ERC1: variants seen among roughly 807,000 people sequenced by gnomAD.
ERC1 encodes the protein ELKS/RAB6-interacting/CAST family member 1.
In ERC1, 56 loss-of-function variants were observed where a neutral mutation model predicts 132.0. The ratio of observed to expected loss-of-function variants is 0.42; its 90% CI spans 0.34 to 0.53. The LOEUF (loss-of-function observed/expected upper bound fraction) is 0.53, where lower values mean the gene tolerates loss of function less well. Ranked by LOEUF, ERC1 falls within the 20% of genes least tolerant of loss-of-function variation. The pLI, the probability that ERC1 is intolerant of heterozygous loss-of-function variation, is 0.03. For synonymous variants in ERC1, 478 were observed against 476.1 expected, an observed-to-expected ratio of 1.00 and a Z score of -0.05; for missense variants, 1,202 against 1,349.9, an observed-to-expected ratio of 0.89 and a Z score of 1.72.
At chr12:1,029,114 G>A (rs1435301738) in intron 2 of ERC1, among the ~76,000 whole-genome samples, 1 of 152,242 alleles carries the variant, frequency 6.6e-6, no homozygotes, top group East Asian at 1.9e-4. Context: ...CAGCACTTGG[G>A]AGGCCGAGGT....
intron 16 of ERC1, among the ~76,000 whole-genome samples, chr12:1,405,523 G>A (rs2091422523): frequency 1.3e-5 from 2 of 152,014 alleles, no homozygotes; most frequent in Non-Finnish European, 2.9e-5. Context: ...GGCCAACATA[G>A]TGAAACCCAT....
intron 14 of ERC1, among the ~76,000 whole-genome samples, chr12:1,289,089 AC>A: frequency 1.5e-5 from 1 of 66,734 alleles, no homozygotes; most frequent in African/African-American, 7.8e-5. Context: ...GTATGTACAC[AC>A]ACACACACAC....
intron 16 of ERC1, among the ~76,000 whole-genome samples, chr12:1,375,878 G>A (rs2087846767): frequency 1.3e-5 from 2 of 151,450 alleles, no homozygotes; most frequent in South Asian, 2.1e-4. Flanking sequence ...CTGGGATTAT[G>A]GGTGCCCGCC....
At chr12:1,100,913 G>C (rs1169918986) in intron 3 of ERC1, among the ~76,000 whole-genome samples, 3 of 152,102 alleles carry the variant, frequency 2.0e-5, no homozygotes, top group Admixed American at 6.5e-5. Flanking sequence ...CTGATGCTTG[G>C]GACACTCCTG....
chr12:1,176,109 T>C (rs904414548), intron 8 of ERC1, among the ~76,000 whole-genome samples: 36 of 152,200 alleles, frequency 2.4e-4, no homozygotes, highest in African/African-American at 8.4e-4. Flanking sequence ...TTTGCCCAGA[T>C]CCATCAGAGG....
At chr12:1,015,905 C>T (rs889374189) in intron 1 of ERC1, among the ~76,000 whole-genome samples, 1 of 151,874 alleles carries the variant, frequency 6.6e-6, no homozygotes, top group Non-Finnish European at 1.5e-5. Context: ...TGGTATATTA[C>T]ATCAGGTTAC....
At chr12:1,479,182 T>C (rs2094036005) in intron 18 of ERC1, among the ~76,000 whole-genome samples, 1 of 152,214 alleles carries the variant, frequency 6.6e-6, no homozygotes, top group African/African-American at 2.4e-5. Context: ...TGTGCATTGC[T>C]GCCGCCTTGC....
chr12:1,066,227 A>G (rs1014677131), intron 2 of ERC1, among the ~76,000 whole-genome samples: 2 of 152,276 alleles, frequency 1.3e-5, no homozygotes, highest in African/African-American at 4.8e-5. Flanking sequence ...AAATTAAAAC[A>G]AATATTCGCT....
chr12:1,467,126 G>A (rs530200908), intron 18 of ERC1, among the ~76,000 whole-genome samples: 1 of 152,298 alleles, frequency 6.6e-6, no homozygotes, highest in Admixed American at 6.5e-5. Flanking sequence ...TTATCAGACT[G>A]GAAACATCTT....
At chr12:1,453,713 A>C (rs889918437) in intron 18 of ERC1, among the ~76,000 whole-genome samples, 4 of 152,166 alleles carry the variant, frequency 2.6e-5, no homozygotes, top group African/African-American at 7.2e-5. Context: ...GATTGTATCA[A>C]ATTAATTTTA....
intron 12 of ERC1, among the ~76,000 whole-genome samples, chr12:1,216,615 T>TGGGGGGCGGGGGGGGAGGGAG (rs1265115026): frequency 2.0e-4 from 1 of 5,094 alleles, no homozygotes; most frequent in African/African-American, 6.9e-4. Context: ...GGAGGAGGGA[T>TGGGGGGCGGGGGGGGAGGGAG]GGGGGGTGGG....
At chr12:1,108,364 G>A (rs1277242474) in intron 4 of ERC1, among the ~76,000 whole-genome samples, 2 of 152,190 alleles carry the variant, frequency 1.3e-5, no homozygotes, top group Non-Finnish European at 2.9e-5. Context: ...GCTGCCATGT[G>A]ATGTACAGAG....
At chr12:1,143,884 TTTGTGCACATGAAGGC>T (rs1950093532) in intron 8 of ERC1, among the ~76,000 whole-genome samples, 1 of 152,192 alleles carries the variant, frequency 6.6e-6, no homozygotes, top group South Asian at 2.1e-4. Flanking sequence ...GCTTGTTTTT[TTTGTGCACATGAAGGC>T]TTGTGATTTC....
chr12:1,028,630 C>A lies in ERC1; in HGVS notation c.669+58C>A, dbSNP rs560776616. ...GAATTCATGTATATAAATGAAATAG[C>A]CTTTTTTTCCCCTTTCCTAGATTTT... On this transcript the variant is annotated intron_variant, in intron 2 of 18. Coordinates refer to ENST00000360905, the MANE Select transcript of ERC1 (RefSeq NM_178040.4). 163 of 1,340,638 alleles carry A rather than the reference C, an allele frequency of 1.2e-4. No homozygotes were observed. In the East Asian group the frequency reaches 3.6e-3, roughly 30 times the overall value. The allele number at this position is 1,340,638 out of a possible 1,614,324, so 83.0% of individuals were successfully genotyped here. A position where few individuals can be genotyped will look rare whatever the true frequency, so the allele number is the denominator to read the frequency against.
chr12:1,077,455 A>C (rs2154185745), intron 2 of ERC1, among the ~76,000 whole-genome samples: 1 of 152,342 alleles, frequency 6.6e-6, no homozygotes, highest in Non-Finnish European at 1.5e-5. Context: ...AGGCCCTGTC[A>C]GATAGTTAAG....
chr12:1,110,939 G>A (rs1488467340), intron 5 of ERC1, among the ~76,000 whole-genome samples: 4 of 152,072 alleles, frequency 2.6e-5, no homozygotes, highest in African/African-American at 9.7e-5. Context: ...CCTGACCTCA[G>A]GTGATCCACC....
At chr12:1,138,291 T>C (rs1306957041) in intron 7 of ERC1, among the ~76,000 whole-genome samples, 1 of 137,614 alleles carries the variant, frequency 7.3e-6, no homozygotes, top group Admixed American at 7.9e-5. Context: ...ATGATATATA[T>C]TATATAATAT....
intron 18 of ERC1, among the ~76,000 whole-genome samples, chr12:1,455,058 C>T (rs2093501461): frequency 6.6e-6 from 1 of 152,112 alleles, no homozygotes; most frequent in South Asian, 2.1e-4. Context: ...TGACCCAGCA[C>T]TAAGAAAAAG....
At chr12:1,082,448 C>T (rs1448616701) in intron 2 of ERC1, among the ~76,000 whole-genome samples, 1 of 147,954 alleles carries the variant, frequency 6.8e-6, no homozygotes, top group Non-Finnish European at 1.5e-5. Flanking sequence ...GCCCCCGCGC[C>T]TGGCCATCCT....
Sources: gnomAD v4.1 joint callset for allele counts (sites outside exome capture counted in the v4.1 genomes callset) on GRCh38, gnomAD v4.1.1 for gene constraint, MANE v1.5 for transcripts, NCBI Gene and HGNC (gene_info 2026-07-23, HGNC 2026-07-21) for gene names.